Variants in NDE1 observed in about 807,000 individuals in gnomAD.
The protein encoded by NDE1 is nuclear distribution protein nudE homolog 1.
In NDE1, 28 loss-of-function variants were observed where a neutral mutation model predicts 43.4. The observed-to-expected ratio is 0.65, with a 90% CI of 0.48 to 0.89. The LOEUF (loss-of-function observed/expected upper bound fraction) is 0.89, where lower values mean the gene tolerates loss of function less well. NDE1 is among the 40% of genes least tolerant of loss of function. The pLI is 0.00. For synonymous variants in NDE1, 184 were observed against 172.0 expected (o/e 1.07, Z -0.55); for missense variants, 441 against 434.1 (o/e 1.02, Z -0.14).
At chr16:15,717,382 CAG>C (rs1659429759) in intron 8 of NDE1, 10 of 1,600,042 alleles carry the variant, frequency 6.2e-6, no homozygotes, top group Non-Finnish European at 8.5e-6. Flanking sequence ...GAGGCGGACT[CAG>C]GGAAGCCCAA....
At chr16:15,723,985 C>T (rs541918512) in intron 8 of NDE1, among the ~76,000 whole-genome samples, 3 of 152,282 alleles carry the variant, frequency 2.0e-5, no homozygotes, top group African/African-American at 7.2e-5. Context: ...CTTACTGTGA[C>T]CTGGTAGCGT....
intron 8 of NDE1, chr16:15,720,787 A>G: frequency 6.4e-7 from 1 of 1,568,318 alleles, no homozygotes; most frequent in Non-Finnish European, 8.8e-7. Context: ...TGGTGATAGG[A>G]ATGAAAAAGG....
At chr16:15,644,337 C>G (rs2036252679) in intron 1 of NDE1, among the ~76,000 whole-genome samples, 1 of 152,216 alleles carries the variant, frequency 6.6e-6, no homozygotes, top group Admixed American at 6.5e-5. Context: ...TTAACACATC[C>G]CTGTAAACAT....
intron 1 of NDE1, among the ~76,000 whole-genome samples, chr16:15,644,616 G>C (rs1216251781): frequency 6.6e-6 from 1 of 152,046 alleles, no homozygotes; most frequent in Non-Finnish European, 1.5e-5. Context: ...TCACTATTTA[G>C]AAAAGAAAGA....
At chr16:15,703,569 T>C (rs2039297359) in intron 8 of NDE1, 1 of 340,188 alleles carries the variant, frequency 2.9e-6, no homozygotes, top group Non-Finnish European at 5.5e-6. Flanking sequence ...AATTTTTACC[T>C]TGAATACAGG....
At chr16:15,646,724 C>T (rs2036337831), upstream of NDE1, among the ~76,000 whole-genome samples, 1 of 151,396 alleles carries the variant, frequency 6.6e-6, no homozygotes, top group Admixed American at 6.6e-5. Context: ...GAGTGAGATT[C>T]CATCTTAATG....
chr16:15,707,841 G>A (rs138683244), intron 8 of NDE1, among the ~76,000 whole-genome samples: 4 of 151,970 alleles, frequency 2.6e-5, no homozygotes, highest in African/African-American at 7.3e-5. Flanking sequence ...GCGAGGTGGC[G>A]GGAGCCTGTA....
At chr16:15,660,385 A>G (rs959348033) in intron 1 of NDE1, among the ~76,000 whole-genome samples, 1 of 151,950 alleles carries the variant, frequency 6.6e-6, no homozygotes, top group East Asian at 1.9e-4. Context: ...AGGCAGGAGG[A>G]TCAGTGCCGC....
intron 1 of NDE1, among the ~76,000 whole-genome samples, chr16:15,653,325 T>G (rs2036596234): frequency 6.6e-6 from 1 of 152,214 alleles, no homozygotes; most frequent in Non-Finnish European, 1.5e-5. Flanking sequence ...TTGATCATTG[T>G]AAACTTGGAA....
At chr16:15,685,811 A>G (rs2038407837) in intron 4 of NDE1, among the ~76,000 whole-genome samples, 1 of 152,170 alleles carries the variant, frequency 6.6e-6, no homozygotes. Context: ...TTCCTCTCCA[A>G]ACACGTGCTT....
At position 15,724,385 on chromosome 16, in the gene NDE1, G is replaced by A; in HGVS notation, c.*134G>A. 6.2e-7 allele frequency: 1 copy of A among 1,614,046 alleles called. No individual in the cohort carries two copies. The highest frequency in any genetic ancestry group is 8.5e-7 in the Non-Finnish European group (1 of 1,180,026). On this transcript the variant is annotated 3_prime_UTR_variant, in exon 9 of 9. Transcript: ENST00000396354. ...GCTTCCACGGTGCTGGCAAAGTCCT[G>A]CAGCTTCTTCTTCGAGTCGGAGAGC...
At chr16:15,655,640 A>C (rs2036724191) in intron 1 of NDE1, among the ~76,000 whole-genome samples, 1 of 152,178 alleles carries the variant, frequency 6.6e-6, no homozygotes, top group Admixed American at 6.5e-5. Context: ...TATATACCCA[A>C]AGGACTATAA....
intron 4 of NDE1, among the ~76,000 whole-genome samples, chr16:15,681,736 A>T (rs1567643406): frequency 6.6e-6 from 1 of 152,090 alleles, no homozygotes; most frequent in Non-Finnish European, 1.5e-5. Flanking sequence ...GTTTTGAGTC[A>T]GAGTCTTGCC....
chr16:15,685,330 C>CTG lies in NDE1; in HGVS notation c.387-2043_387-2042dup, dbSNP rs539018639. On this transcript the variant is annotated intron_variant, in intron 4 of 8. Transcript: ENST00000396354. ...AGTGCAGTGGCATAGTCATGGCTTA[C>CTG]TGTACCCTTGAATTCCTGGGCTCAA... Among the ~76,000 whole-genome samples, 558 of 152,230 alleles carry CTG rather than the reference C, an allele frequency of 3.7e-3. 2 individuals are homozygous for CTG. Among genetic ancestry groups the CTG allele is most frequent in the Middle Eastern group, 0.021 (6 of 292 alleles).
chr16:15,689,785 C>A (rs924889124), intron 5 of NDE1, among the ~76,000 whole-genome samples: 3 of 151,716 alleles, frequency 2.0e-5, no homozygotes, highest in African/African-American at 4.8e-5. Flanking sequence ...ACTAAAAATA[C>A]AAAAATTAGC....
intron 1 of NDE1, 47 bp from the exon 2 acceptor site, chr16:15,664,689 G>A: frequency 2.0e-6 from 2 of 990,754 alleles, no homozygotes; most frequent in Non-Finnish European, 1.6e-6. Context: ...AAGGGGATCA[G>A]CTGTTTAACC....
chr16:15,694,413 A>ACAACT, intron 7 of NDE1, 157 bp downstream of exon 7: 7 of 1,497,436 alleles, frequency 4.7e-6, no homozygotes, highest in Non-Finnish European at 6.3e-6. Context: ...TGGTATGATC[A>ACAACT]CAACTCACTG....
chr16:15,667,572 T>C, intron 3 of NDE1, 133 bp downstream of exon 3: 1 of 1,081,630 alleles, frequency 9.2e-7, no homozygotes, highest in Non-Finnish European at 1.4e-6. Flanking sequence ...TGGAAGGGCC[T>C]GTGCGGCAGA....
intron 8 of NDE1, chr16:15,703,881 A>C (rs1291735978): frequency 7.1e-7 from 1 of 1,404,324 alleles, no homozygotes; most frequent in South Asian, 1.2e-5. Flanking sequence ...AGACAATGCT[A>C]AGTACAGTCT....
Sources: allele counts gnomAD v4.1 joint callset (sites outside exome capture counted in the v4.1 genomes callset), GRCh38; gene constraint gnomAD v4.1.1; transcripts MANE v1.5; gene names NCBI Gene and HGNC (gene_info 2026-07-23, HGNC 2026-07-21).